Variants in NCEH1 observed in about 807,000 individuals in gnomAD.
NCEH1 encodes the protein neutral cholesterol ester hydrolase 1, also known as 2-acetyl MAGE hydrolase.
Under a neutral mutation model 25.4 loss-of-function variants are expected in NCEH1, and 9 were observed. The ratio of observed to expected loss-of-function variants is 0.35; its 90% CI spans 0.21 to 0.62. The LOEUF (loss-of-function observed/expected upper bound fraction) is 0.62, where lower values mean the gene tolerates loss of function less well. NCEH1 is among the 20% of genes least tolerant of loss of function. The pLI is 0.72. For synonymous variants in NCEH1, 200 were observed against 199.8 expected (o/e 1.00, Z -0.01); for missense variants, 412 against 501.1 (o/e 0.82, Z 1.70).
At chr3:172,706,802 T>G (rs975698942) in intron 1 of NCEH1, among the ~76,000 whole-genome samples, 2 of 152,020 alleles carry the variant, frequency 1.3e-5, no homozygotes, top group African/African-American at 4.8e-5. Flanking sequence ...CACCCGACCT[T>G]CATTCGTTTA....
At chr3:172,672,098 A>C (rs1200028387) in intron 1 of NCEH1, among the ~76,000 whole-genome samples, 1 of 152,170 alleles carries the variant, frequency 6.6e-6, no homozygotes, top group Non-Finnish European at 1.5e-5. Context: ...AGCATTTTTT[A>C]ATCTTTTGTA....
intron 1 of NCEH1, among the ~76,000 whole-genome samples, chr3:172,650,073 A>G (rs971711587): frequency 6.6e-6 from 1 of 152,224 alleles, no homozygotes; most frequent in African/African-American, 2.4e-5. Flanking sequence ...GGTTTGACTC[A>G]ATTTGTTCAC....
Position 172,630,735 on chromosome 3 carries a change from TTATAAAA to T in NCEH1, c.*2733_*2739del, listed in dbSNP as rs1482723042. On this transcript the variant is annotated 3_prime_UTR_variant, in exon 5 of 5. Coordinates refer to ENST00000475381, the MANE Select transcript of NCEH1 (RefSeq NM_020792.6). ...GCTACCTCCACACTGGATTTTCACT[TTATAAAA>T]TATATTTGCTATTAAAATCATTCAT... is the stretch of plus-strand genomic sequence containing the variant. 6.6e-6 allele frequency: 1 copy of T among 152,228 alleles called. No homozygotes were observed. Among genetic ancestry groups the T allele is most frequent in the Non-Finnish European group, 1.5e-5 (1 of 68,038 alleles). 9.4% of individuals were successfully genotyped at this position (152,228 alleles called of 1,614,324 possible).
intron 1 of NCEH1, among the ~76,000 whole-genome samples, chr3:172,698,390 A>G (rs1224756351): frequency 1.3e-5 from 2 of 152,220 alleles, no homozygotes; most frequent in Admixed American, 6.5e-5. Flanking sequence ...AATGGAAGTG[A>G]CTGAAACCTT....
In NCEH1 at chr3:172,658,358, G is replaced by A. The variant is rs1279467419; in HGVS notation, c.139-10244C>T. Among the ~76,000 whole-genome samples the A allele has an allele frequency of 2.0e-5, 3 of 152,210 alleles. No homozygotes were observed. In the East Asian group the frequency reaches 5.8e-4, roughly 29 times the overall value. On this transcript the variant is annotated intron_variant, in intron 1 of 4. Coordinates refer to ENST00000475381, the MANE Select transcript of NCEH1 (RefSeq NM_020792.6). Reference sequence around the variant, plus strand: ...CCTTTGGTGGATCGCCATCTGGCTAGGGATTTTTCCTGTACCTGTCCTTCT... The same window carrying A: ...CCTTTGGTGGATCGCCATCTGGCTAAGGATTTTTCCTGTACCTGTCCTTCT...
In NCEH1 at chr3:172,630,667, G is replaced by A. The variant is rs1716304294; in HGVS notation, c.*2808C>T. On this transcript the variant is annotated 3_prime_UTR_variant, in exon 5 of 5. Transcript: ENST00000475381. ...AAATGAAAGCACATTCCCAGATGGA[G>A]CAATTTTATTTCCAAACATGATTCA... 1 of 152,190 alleles carries A rather than the reference G, an allele frequency of 6.6e-6. No homozygotes were observed. The highest frequency in any genetic ancestry group is 2.4e-5 in the African/African-American group (1 of 41,450). The allele number at this position is 152,190 out of a possible 1,614,324, so 9.4% of individuals were successfully genotyped here. A position where few individuals can be genotyped will look rare whatever the true frequency, so the allele number is the denominator to read the frequency against.
In NCEH1 at chr3:172,633,148, C is replaced by G. The variant is rs942651775; in HGVS notation, c.*327G>C. The G allele has an allele frequency of 7.7e-6, 2 of 260,148 alleles. No homozygotes were observed. Among genetic ancestry groups the G allele is most frequent in the African/African-American group, 4.5e-5 (2 of 44,210 alleles). The allele number at this position is 260,148 out of a possible 1,614,324, so 16.1% of individuals were successfully genotyped here. ...CTGGAAGAACTGCTTCTAAAAAGAA[C>G]GTCCTAATGAAGGCAGGACCCAAAG... On this transcript the variant is annotated 3_prime_UTR_variant, in exon 5 of 5. Transcript: ENST00000475381.
intron 1 of NCEH1, among the ~76,000 whole-genome samples, chr3:172,674,504 C>T (rs550209929): frequency 6.6e-6 from 1 of 151,808 alleles, no homozygotes; most frequent in South Asian, 2.1e-4. Context: ...CACCTTTACC[C>T]CAACAGATAC....
At position 172,711,045 on chromosome 3, in the gene NCEH1, A is replaced by G; in HGVS notation, c.-61T>C. 1 of 1,610,084 alleles carries G rather than the reference A, an allele frequency of 6.2e-7. No individual in the cohort carries two copies. Among genetic ancestry groups the G allele is most frequent in the South Asian group, 1.1e-5 (1 of 91,014 alleles). ...GAGGAAAGGGCGATACCACCCGGAG[A>G]CCTCCGGCAACTTTCTGCCCGCGGC... On this transcript the variant is annotated 5_prime_UTR_variant, in exon 1 of 5. Transcript: ENST00000475381.
intron 1 of NCEH1, among the ~76,000 whole-genome samples, chr3:172,687,376 A>C (rs1712758342): frequency 6.6e-6 from 1 of 152,188 alleles, no homozygotes; most frequent in South Asian, 2.1e-4. Flanking sequence ...CTCTAGGCTT[A>C]TGTTCCTGAT....
chr3:172,676,206 T>TG (rs1310982393), intron 1 of NCEH1, among the ~76,000 whole-genome samples: 2 of 152,174 alleles, frequency 1.3e-5, no homozygotes, highest in Admixed American at 6.6e-5. Context: ...AAGGAGTTCT[T>TG]GGTAAGGCTT....
At position 172,630,926 on chromosome 3, in the gene NCEH1, TTTC is replaced by T. The variant is rs1352064917; in HGVS notation, c.*2546_*2548del. 1 of 150,340 alleles carries T rather than the reference TTTC, an allele frequency of 6.7e-6. No homozygotes were observed. The highest frequency in any genetic ancestry group is 1.9e-4 in the East Asian group (1 of 5,156). 9.3% of individuals were successfully genotyped at this position (150,340 alleles called of 1,614,324 possible). A position where few individuals can be genotyped will look rare whatever the true frequency, so the allele number is the denominator to read the frequency against. On this transcript the variant is annotated 3_prime_UTR_variant, in exon 5 of 5. Transcript: ENST00000475381. ...CTTCACTATACAGCACTTCAAGGTT[TTTC>T]TTTATATATTAATGTTTATATTTCA...
intron 1 of NCEH1, among the ~76,000 whole-genome samples, chr3:172,661,255 G>C (rs990047509): frequency 1.3e-5 from 2 of 151,990 alleles, no homozygotes; most frequent in South Asian, 2.1e-4. Flanking sequence ...TCTTGTTTTT[G>C]TCAGGTTTGT....
chr3:172,640,518 T>A (rs559919875), intron 3 of NCEH1, among the ~76,000 whole-genome samples: 1 of 152,302 alleles, frequency 6.6e-6, no homozygotes, highest in South Asian at 2.1e-4. Context: ...TATTTATTTA[T>A]TTATTTTGAG....
chr3:172,709,673 C>T (rs1714194278), intron 1 of NCEH1, among the ~76,000 whole-genome samples: 1 of 152,118 alleles, frequency 6.6e-6, no homozygotes, highest in Non-Finnish European at 1.5e-5. Context: ...TAGGATAAAG[C>T]CCCACAGATT....
chr3:172,682,891 T>C (rs989779324), intron 1 of NCEH1, among the ~76,000 whole-genome samples: 8 of 152,200 alleles, frequency 5.3e-5, no homozygotes, highest in Non-Finnish European at 8.8e-5. Flanking sequence ...TTTTAGAACA[T>C]TGCTGTGAAA....
intron 3 of NCEH1, among the ~76,000 whole-genome samples, chr3:172,641,681 C>G (rs1399968658): frequency 6.6e-6 from 1 of 152,226 alleles, no homozygotes; most frequent in Non-Finnish European, 1.5e-5. Context: ...ATCATCCACA[C>G]TTACTTCTGT....
intron 1 of NCEH1, among the ~76,000 whole-genome samples, chr3:172,681,771 A>G (rs1269500059): frequency 6.6e-6 from 1 of 151,072 alleles, no homozygotes; most frequent in Admixed American, 6.6e-5. Context: ...GCCAGGCATG[A>G]TGGCGGATGC....
At chr3:172,680,667 GC>G (rs34459090) in intron 1 of NCEH1, 73,384 of 141,864 alleles carry the variant, frequency 0.52, 18,396 homozygotes, top group East Asian at 0.7. Context: ...GGCGTCACAG[GC>G]CCCCCCCCCT....
Sources: gnomAD v4.1 joint callset for allele counts (sites outside exome capture counted in the v4.1 genomes callset) on GRCh38, gnomAD v4.1.1 for gene constraint, MANE v1.5 for transcripts, NCBI Gene and HGNC (gene_info 2026-07-23, HGNC 2026-07-21) for gene names.